The following VPS53 variants were observed in gnomAD, a reference collection of about 807,000 sequenced individuals.
VPS53 encodes VPS53 subunit of GARP complex.
Under a neutral mutation model 107.0 loss-of-function variants are expected in VPS53, and 70 were observed. The ratio of observed to expected loss-of-function variants is 0.65; its 90% CI spans 0.54 to 0.80. The LOEUF (loss-of-function observed/expected upper bound fraction) is 0.80, where lower values mean the gene tolerates loss of function less well. Among genes scored for constraint, VPS53 ranks in the 30% least tolerant of loss-of-function variants. The pLI, the probability that VPS53 is intolerant of heterozygous loss-of-function variation, is 0.00. For missense variants in VPS53, 917 were observed against 1,049.4 expected (o/e 0.87, Z 1.74); for synonymous variants, 409 against 393.3 (o/e 1.04, Z -0.47).
intron 4 of VPS53, among the ~76,000 whole-genome samples, chr17:689,511 T>C (rs1228115718): frequency 7.2e-6 from 1 of 139,550 alleles, no homozygotes; most frequent in African/African-American, 2.7e-5. Context: ...TCTCACTCTG[T>C]CACCAAGGCT....
intron 19 of VPS53, among the ~76,000 whole-genome samples, chr17:528,619 A>G (rs1195817918): frequency 1.6e-5 from 2 of 125,000 alleles, no homozygotes; most frequent in Non-Finnish European, 3.2e-5. Context: ...TTTTTTTGAG[A>G]CAGAGTCTCA....
chr17:657,289 C>T, intron 5 of VPS53: 1 of 827,642 alleles, frequency 1.2e-6, no homozygotes, highest in South Asian at 1.5e-5. Context: ...AAATTCTCTC[C>T]TGTCTTGTCA....
rs1908076513 is a variant in VPS53, at chr17:513,482, C to T, written c.*5646G>A. The stretch of plus-strand genomic sequence containing the variant: ...CATGTAGGCCAGCATTTCAGGTGTC[C>T]ATGTTTCTAAGGCTTTTGCTTAAAT... On this transcript the variant is annotated 3_prime_UTR_variant, in exon 22 of 22. Transcript: ENST00000437048. 1 of 152,120 alleles carries T rather than the reference C, an allele frequency of 6.6e-6. No homozygotes were observed. The highest frequency in any genetic ancestry group is 6.5e-5 in the Admixed American group (1 of 15,278). 9.4% of individuals were successfully genotyped at this position (152,120 alleles called of 1,614,324 possible).
chr17:690,319 T>C (rs1263558846), intron 4 of VPS53, among the ~76,000 whole-genome samples: 3 of 152,218 alleles, frequency 2.0e-5, no homozygotes, highest in African/African-American at 7.2e-5. Context: ...GAAAGTCATA[T>C]GAAGAAAGAC....
chr17:563,720 C>T (rs145241351), intron 13 of VPS53, among the ~76,000 whole-genome samples: 119 of 152,238 alleles, frequency 7.8e-4, no homozygotes, highest in African/African-American at 2.6e-3. Context: ...AGGAGAGCCA[C>T]GATTAAAAAC....
intron 13 of VPS53, among the ~76,000 whole-genome samples, chr17:569,672 A>G (rs373554540): frequency 5.3e-5 from 8 of 152,112 alleles, no homozygotes; most frequent in African/African-American, 1.2e-4. Context: ...TAATCTCAAC[A>G]TCTAGGGAGG....
At chr17:604,802 C>T (rs1968489072) in intron 11 of VPS53, among the ~76,000 whole-genome samples, 1 of 152,150 alleles carries the variant, frequency 6.6e-6, no homozygotes, top group Non-Finnish European at 1.5e-5. Flanking sequence ...TCATTTGTGG[C>T]ACATGCATTC....
rs1253915723 is a variant in VPS53, at chr17:514,486, CTT to C, written c.*4640_*4641del. 2 of 146,832 alleles carry C rather than the reference CTT, an allele frequency of 1.4e-5. No homozygotes were observed. Among genetic ancestry groups the C allele is most frequent in the Non-Finnish European group, 3.0e-5 (2 of 66,778 alleles). 9.1% of individuals were successfully genotyped at this position (146,832 alleles called of 1,614,324 possible). A position where few individuals can be genotyped will look rare whatever the true frequency, so the allele number is the denominator to read the frequency against. Reference sequence around the variant, plus strand: ...TTTCCAGCAGGTTATTCTGAGTGCTCTTCCTAGCCAAGGAATCCCATTTCCAG... The same window carrying C: ...TTTCCAGCAGGTTATTCTGAGTGCTCCCTAGCCAAGGAATCCCATTTCCAG... On this transcript the variant is annotated 3_prime_UTR_variant, in exon 22 of 22. Transcript: ENST00000437048.
At chr17:653,249 T>A (rs747025782) in intron 7 of VPS53, 42 bp downstream of exon 7, 12 of 1,595,896 alleles carry the variant, frequency 7.5e-6, no homozygotes, top group Non-Finnish European at 1.0e-5. Flanking sequence ...AGCTGCCGGA[T>A]CTGCGGAATC....
rs1400038956 is a variant in VPS53, at chr17:517,236, C to T, written c.*1892G>A. 6 of 386,326 alleles carry T rather than the reference C, an allele frequency of 1.6e-5. No homozygotes were observed. Among genetic ancestry groups the T allele is most frequent in the East Asian group, 3.7e-5 (1 of 27,178 alleles). 23.9% of individuals were successfully genotyped at this position (386,326 alleles called of 1,614,324 possible). ...TCAACTGAAGGCCGCATCTCCTTCT[C>T]GCAACACTTCTTTTCTCCTCCGCAT... On this transcript the variant is annotated 3_prime_UTR_variant, in exon 22 of 22. Coordinates refer to ENST00000437048, the MANE Select transcript of VPS53 (RefSeq NM_001128159.3).
intron 7 of VPS53, among the ~76,000 whole-genome samples, chr17:641,033 T>G (rs551324392): frequency 6.6e-6 from 1 of 152,076 alleles, no homozygotes; most frequent in Non-Finnish European, 1.5e-5. Context: ...TTTTTGTATT[T>G]TTAGTAGAGA....
At chr17:708,215 G>A (rs187060904) in intron 2 of VPS53, among the ~76,000 whole-genome samples, 1 of 152,266 alleles carries the variant, frequency 6.6e-6, no homozygotes, top group Admixed American at 6.5e-5. Context: ...CCGAATGCCT[G>A]GACCCACTGC....
At chr17:573,792 A>G (rs1236375467) in intron 13 of VPS53, among the ~76,000 whole-genome samples, 1 of 152,088 alleles carries the variant, frequency 6.6e-6, no homozygotes, top group African/African-American at 2.4e-5. Context: ...CGCTCTTTCC[A>G]CCACACTGTG....
In VPS53 at chr17:690,031, G is replaced by A. The variant is rs1454648297; in HGVS notation, c.285+7387C>T. 5.9e-5 allele frequency among the ~76,000 whole-genome samples: 9 copies of A among 152,250 alleles called. No homozygotes were observed. The East Asian group carries it at 7.7e-4, about 13-fold the overall frequency. ...CTGTTTTTTGGGTCTGGCACTTTGC[G>A]CTGAAGTGAGGAGGAAGAACAGGAA... On this transcript the variant is annotated intron_variant, in intron 4 of 21. Coordinates refer to ENST00000437048, the MANE Select transcript of VPS53 (RefSeq NM_001128159.3).
Position 524,896 on chromosome 17 carries a change from T to A in VPS53, c.2086-3158A>T, listed in dbSNP as rs1567597668. Among the ~76,000 whole-genome samples, 1 of 152,220 alleles carries A rather than the reference T, an allele frequency of 6.6e-6. No individual in the cohort carries two copies. The highest frequency in any genetic ancestry group is 1.5e-5 in the Non-Finnish European group (1 of 68,042). The stretch of plus-strand genomic sequence containing the variant: ...GCACGTTGGGGGAAATTTAGCAACA[T>A]TTCCTTAGCTGGAGATGTGTATCAC... On this transcript the variant is annotated intron_variant, in intron 19 of 21. Coordinates refer to ENST00000437048, the MANE Select transcript of VPS53 (RefSeq NM_001128159.3). The surrounding 1 kb of genome is among the most constrained non-coding windows in gnomAD (Gnocchi z 4.5).
At chr17:666,206 C>A (rs1971676481) in intron 4 of VPS53, among the ~76,000 whole-genome samples, 1 of 152,042 alleles carries the variant, frequency 6.6e-6, no homozygotes, top group African/African-American at 2.4e-5. Flanking sequence ...CAGGGCTGAC[C>A]CTTGGGCATG....
intron 19 of VPS53, among the ~76,000 whole-genome samples, chr17:526,731 A>C (rs1276901887): frequency 6.6e-6 from 1 of 152,228 alleles, no homozygotes; most frequent in African/African-American, 2.4e-5. Flanking sequence ...GTGGGGGTGC[A>C]AGGGTGGCCA....
intron 12 of VPS53, among the ~76,000 whole-genome samples, chr17:590,190 G>A (rs1356459800): frequency 6.6e-6 from 1 of 151,786 alleles, no homozygotes; most frequent in African/African-American, 2.4e-5. Flanking sequence ...TCTGTTGTTG[G>A]TGTATAAGAA....
At chr17:644,984 T>C (rs1970627592) in intron 7 of VPS53, among the ~76,000 whole-genome samples, 1 of 152,228 alleles carries the variant, frequency 6.6e-6, no homozygotes, top group Non-Finnish European at 1.5e-5. Flanking sequence ...AATCCTCCTG[T>C]GTTTGCAGCA....
Sources: allele counts gnomAD v4.1 joint callset (sites outside exome capture counted in the v4.1 genomes callset), GRCh38; gene constraint gnomAD v4.1.1; non-coding constraint Gnocchi (gnomAD v3.1); transcripts MANE v1.5; gene names NCBI Gene and HGNC (gene_info 2026-07-23, HGNC 2026-07-21).